Variants in HCN1 observed in about 807,000 individuals in gnomAD.
HCN1 encodes hyperpolarization activated cyclic nucleotide gated potassium channel 1.
Under a neutral mutation model 78.9 loss-of-function variants are expected in HCN1, and 13 were observed. The observed-to-expected ratio is 0.16, with a 90% confidence interval of 0.11 to 0.26. The LOEUF (loss-of-function observed/expected upper bound fraction) is 0.26. HCN1 is among the 10% of genes least tolerant of loss of function. HCN1 has a pLI of 1.00. For synonymous variants in HCN1, 552 were observed against 455.5 expected, an observed-to-expected ratio of 1.21 and a Z score of -2.70; for missense variants, 810 against 1,154.3, an observed-to-expected ratio of 0.70 and a Z score of 4.32.
intron 3 of HCN1, among the ~76,000 whole-genome samples, chr5:45,438,519 A>T (rs1740606583): frequency 6.7e-6 from 1 of 149,778 alleles, no homozygotes; most frequent in Non-Finnish European, 1.5e-5. Flanking sequence ...TGAACCTGGG[A>T]GGTGGAGCTT....
At chr5:45,479,597 A>G (rs1741604593) in intron 2 of HCN1, among the ~76,000 whole-genome samples, 1 of 152,196 alleles carries the variant, frequency 6.6e-6, no homozygotes, top group African/African-American at 2.4e-5. Context: ...TGGATGCAGA[A>G]GACAAAGAGA....
chr5:45,583,321 TTATAG>T (rs796597175), intron 2 of HCN1, among the ~76,000 whole-genome samples: 2 of 152,188 alleles, frequency 1.3e-5, no homozygotes, highest in South Asian at 2.1e-4. Context: ...ATAGAGGTGT[TTATAG>T]TATTCTCTGA....
intron 2 of HCN1, among the ~76,000 whole-genome samples, chr5:45,537,045 C>T (rs185047780): frequency 6.6e-6 from 1 of 152,262 alleles, no homozygotes; most frequent in East Asian, 1.9e-4. Flanking sequence ...TCTGAGGATC[C>T]CTCCTTCTCA....
At chr5:45,627,486 T>G (rs1185435423) in intron 2 of HCN1, among the ~76,000 whole-genome samples, 2 of 152,158 alleles carry the variant, frequency 1.3e-5, no homozygotes, top group African/African-American at 4.8e-5. Flanking sequence ...TGATTTTATT[T>G]TTCACTGATC....
chr5:45,476,696 C>T (rs1411625734), intron 2 of HCN1, among the ~76,000 whole-genome samples: 1 of 151,974 alleles, frequency 6.6e-6, no homozygotes. Flanking sequence ...ATTTGTCTGC[C>T]CTCTTCATTA....
At chr5:45,566,271 ATTAAC>A (rs1383657785) in intron 2 of HCN1, among the ~76,000 whole-genome samples, 4 of 152,202 alleles carry the variant, frequency 2.6e-5, no homozygotes, top group Admixed American at 1.3e-4. Context: ...GGTAGGTCTA[ATTAAC>A]TTAATTTAGG....
At chr5:45,659,123 C>A (rs544769181) in intron 1 of HCN1, among the ~76,000 whole-genome samples, 383 of 152,028 alleles carry the variant, frequency 2.5e-3, no homozygotes, top group Non-Finnish European at 4.5e-3. Flanking sequence ...GGGCAGACTG[C>A]CTCCTCAAGT....
At chr5:45,450,775 G>A (rs548617289) in intron 3 of HCN1, among the ~76,000 whole-genome samples, 1 of 152,218 alleles carries the variant, frequency 6.6e-6, no homozygotes, top group Non-Finnish European at 1.5e-5. Flanking sequence ...ATGTAGCTCA[G>A]GAAAATAAAT....
At chr5:45,626,172 C>T (rs1745159890) in intron 2 of HCN1, among the ~76,000 whole-genome samples, 1 of 152,188 alleles carries the variant, frequency 6.6e-6, no homozygotes, top group Admixed American at 6.5e-5. Context: ...ATGTGTATGT[C>T]AATCACACCA....
chr5:45,450,110 C>T (rs898711799), intron 3 of HCN1, among the ~76,000 whole-genome samples: 9 of 152,190 alleles, frequency 5.9e-5, no homozygotes, highest in Admixed American at 5.9e-4. Flanking sequence ...GGATTACAGG[C>T]GTGAGCCACC....
intron 2 of HCN1, among the ~76,000 whole-genome samples, chr5:45,545,813 T>C (rs1449684500): frequency 1.3e-5 from 2 of 151,994 alleles, no homozygotes; most frequent in African/African-American, 4.8e-5. Flanking sequence ...CACCTCCTTC[T>C]TGAGACACTC....
intron 2 of HCN1, among the ~76,000 whole-genome samples, chr5:45,479,124 TAA>T (rs1160851737): frequency 1.8e-4 from 25 of 137,030 alleles, no homozygotes; most frequent in African/African-American, 2.7e-4. Flanking sequence ...GAGACTGTTT[TAA>T]AAAAAAAAAA....
intron 2 of HCN1, among the ~76,000 whole-genome samples, chr5:45,630,925 C>T (rs1211214155): frequency 1.3e-5 from 2 of 151,590 alleles, no homozygotes; most frequent in South Asian, 2.1e-4. Context: ...CATATGAGTC[C>T]AATATATATT....
At chr5:45,648,384 G>T (rs1160483685) in intron 1 of HCN1, among the ~76,000 whole-genome samples, 4 of 151,862 alleles carry the variant, frequency 2.6e-5, no homozygotes, top group Non-Finnish European at 5.9e-5. Flanking sequence ...ACTTAATATG[G>T]TCTGAAGCCA....
intron 2 of HCN1, among the ~76,000 whole-genome samples, chr5:45,545,828 C>A (rs553193987): frequency 6.6e-6 from 1 of 151,986 alleles, no homozygotes; most frequent in African/African-American, 2.4e-5. Flanking sequence ...ACACTCTTCC[C>A]CTTTCACTCT....
At chr5:45,267,004 C>A in intron 7 of HCN1, 85 bp downstream of exon 7, 1 of 1,152,226 alleles carries the variant, frequency 8.7e-7, no homozygotes, top group East Asian at 2.4e-5. Flanking sequence ...TCACCACTCC[C>A]CACTGCATTT....
chr5:45,534,442 A>AAAAAAAAAATT (rs1742924501), intron 2 of HCN1, among the ~76,000 whole-genome samples: 1 of 141,516 alleles, frequency 7.1e-6, no homozygotes, highest in East Asian at 2.1e-4. Flanking sequence ...AAAAAAAAAA[A>AAAAAAAAAATT]AAATTAATAC....
At chr5:45,539,997 T>G (rs200585267) in intron 2 of HCN1, among the ~76,000 whole-genome samples, 1 of 147,896 alleles carries the variant, frequency 6.8e-6, no homozygotes, top group East Asian at 2.0e-4. Context: ...CTTAGTTTAC[T>G]TAATCAATCT....
chr5:45,619,007 T>A (rs1745009663), intron 2 of HCN1, among the ~76,000 whole-genome samples: 1 of 152,044 alleles, frequency 6.6e-6, no homozygotes, highest in Non-Finnish European at 1.5e-5. Context: ...AATTACTATT[T>A]TAGTAGTAGT....
Sources: gnomAD v4.1 joint callset for allele counts (sites outside exome capture counted in the v4.1 genomes callset) on GRCh38, gnomAD v4.1.1 for gene constraint, MANE v1.5 for transcripts, NCBI Gene and HGNC (gene_info 2026-07-23, HGNC 2026-07-21) for gene names.